The following SGCA variants were observed in gnomAD, a reference collection of about 807,000 sequenced individuals.
The protein encoded by SGCA is sarcoglycan alpha.
A neutral mutation model predicts 38.1 loss-of-function variants in SGCA; 34 were observed. That is an observed-to-expected ratio of 0.89 (90% CI 0.68 to 1.19). The LOEUF is 1.19. Ranked by LOEUF, SGCA falls within the 50% of genes most tolerant of loss-of-function variation. The pLI is 0.00. For missense variants in SGCA, 476 were observed against 524.9 expected (o/e 0.91, Z 0.91); for synonymous variants, 209 against 214.6 (o/e 0.97, Z 0.23).
At position 50,169,414 on chromosome 17, in the gene SGCA, T is replaced by TACAC. The variant is rs3138607; in HGVS notation, c.747+189_747+192dup. 0.27 allele frequency: 130,001 copies of TACAC among 478,182 alleles called. 8,091 individuals carry two copies. The highest frequency in any genetic ancestry group is 0.3 in the Middle Eastern group (551 of 1,822). The allele number at this position is 478,182 out of a possible 1,614,324, so 29.6% of individuals were successfully genotyped here. A position where few individuals can be genotyped will look rare whatever the true frequency, so the allele number is the denominator to read the frequency against. ...ATTGCCCACAGGCTTAGTCTGAGGA[T>TACAC]ACACACACACACACACACACACACA... On this transcript the variant is annotated intron_variant, in intron 6 of 9. Coordinates refer to ENST00000262018, the MANE Select transcript of SGCA (RefSeq NM_000023.4).
At chr17:50,172,472 C>A (rs901362624) in intron 8 of SGCA, 1 of 322,798 alleles carries the variant, frequency 3.1e-6, no homozygotes, top group Non-Finnish European at 6.2e-6. Context: ...CATGCCTGGG[C>A]GGATTTTATT....
At position 50,167,096 on chromosome 17, in the gene SGCA, C is replaced by T. The variant is rs987787486; in HGVS notation, c.38-272C>T. On this transcript the variant is annotated intron_variant, in intron 1 of 9. Transcript: ENST00000262018. The surrounding 1 kb of genome is among the most constrained non-coding windows in gnomAD (Gnocchi z 4.5). ...ACACTTCCCAGTCAAACATCAGTCC[C>T]TGCCCACTGCACCATTAATAGGGGC... is the stretch of plus-strand genomic sequence containing the variant. 3.9e-5 allele frequency among the ~76,000 whole-genome samples: 6 copies of T among 151,950 alleles called. No homozygotes were observed. The highest frequency in any genetic ancestry group is 5.9e-5 in the Non-Finnish European group (4 of 67,972).
chr17:50,166,713 T>TCA (rs1167571369), intron 1 of SGCA, among the ~76,000 whole-genome samples: 35 of 52,558 alleles, frequency 6.7e-4, no homozygotes, highest in African/African-American at 2.7e-3. Flanking sequence ...CACGGCACCC[T>TCA]CACACACACA....
chr17:50,175,424 TG>T lies in SGCA; in HGVS notation c.1153del (p.Asp385ThrfsTer32). On this transcript the variant is annotated frameshift_variant, in exon 9 of 10. Transcript: ENST00000262018. LOFTEE classifies it low-confidence loss of function (END_TRUNC). Reference protein sequence around the residue: ...RVDSAQVPLILDQH With the variant: ...RVDSAQVPLIXDQH ...GACAGCGCCCAGGTGCCCCTCATTC[TG>T]GACCAGCACTGACAGCCTAGCCAGG... 1 of 1,613,176 alleles carries T rather than the reference TG, an allele frequency of 6.2e-7. No homozygotes were observed.
chr17:50,166,264 T>C, intron 1 of SGCA, 187 bp downstream of exon 1: 1 of 631,670 alleles, frequency 1.6e-6, no homozygotes, highest in Non-Finnish European at 2.9e-6. Context: ...GGAGCTGGGC[T>C]CTGGGATGAA....
At chr17:50,169,311 C>G (rs755510141) in intron 6 of SGCA, 57 bp downstream of exon 6, 4 of 1,445,980 alleles carry the variant, frequency 2.8e-6, no homozygotes, top group Non-Finnish European at 3.8e-6. Context: ...ATCCCAGTCC[C>G]CCTTCCCTCC....
chr17:50,171,708 C>A, intron 8 of SGCA: 1 of 456,824 alleles, frequency 2.2e-6, no homozygotes, highest in Non-Finnish European at 4.4e-6. Flanking sequence ...CTGAGGCCCC[C>A]CTGCCGGTCA....
intron 8 of SGCA, 28 bp downstream of exon 8, chr17:50,170,694 T>G (rs1490656403): frequency 6.4e-7 from 1 of 1,552,242 alleles, no homozygotes; most frequent in Non-Finnish European, 8.7e-7. Context: ...GGGGGTGGGG[T>G]GGGAGCCCAC....
Position 50,166,932 on chromosome 17 carries a change from C to T in SGCA, c.38-436C>T, listed in dbSNP as rs1486105403. Among the ~76,000 whole-genome samples, 3 of 118,146 alleles carry T rather than the reference C, an allele frequency of 2.5e-5. No homozygotes were observed. In the Admixed American group the frequency reaches 2.6e-4, roughly 10 times the overall value. 77.5% of individuals were successfully genotyped at this position (118,146 alleles called of 152,430 possible). A position where few individuals can be genotyped will look rare whatever the true frequency, so the allele number is the denominator to read the frequency against. ...CACACCCCCCACACACACCTTCACACACACACACCCTCACACACACCCTCT... is the reference window on the plus strand; with the variant it reads ...CACACCCCCCACACACACCTTCACATACACACACCCTCACACACACCCTCT... On this transcript the variant is annotated intron_variant, in intron 1 of 9. Transcript: ENST00000262018.
At chr17:50,175,150 C>T in intron 8 of SGCA, 107 bp from the exon 9 acceptor site, 2 of 1,026,888 alleles carry the variant, frequency 1.9e-6, no homozygotes, top group Non-Finnish European at 2.9e-6. Context: ...TGAGTCTCTC[C>T]CCACATAAGT....
rs1221026504 is a variant in SGCA, at chr17:50,167,313, C to T, written c.38-55C>T. On this transcript the variant is annotated intron_variant, in intron 1 of 9. Coordinates refer to ENST00000262018, the MANE Select transcript of SGCA (RefSeq NM_000023.4). This position sits in a 1 kb window ranked among gnomAD's most constrained non-coding sequence, Gnocchi z 4.5. Reference sequence around the variant, plus strand: ...GACTTGGTGGGGAAGGGAGCTTATCCCCTGCCCAGGACTGAGGCTGGCCTG... The same window carrying T: ...GACTTGGTGGGGAAGGGAGCTTATCTCCTGCCCAGGACTGAGGCTGGCCTG... The T allele has an allele frequency of 6.2e-7, 1 of 1,612,328 alleles. No homozygotes were observed. Among genetic ancestry groups the T allele is most frequent in the African/African-American group, 1.3e-5 (1 of 74,920 alleles).
chr17:50,171,546 C>G (rs1272575329), intron 8 of SGCA: 3 of 456,712 alleles, frequency 6.6e-6, no homozygotes, highest in Non-Finnish European at 8.8e-6. Context: ...CCCTTCGAAC[C>G]CCCTTGATAA....
At position 50,170,642 on chromosome 17, in the gene SGCA, T is replaced by C; in HGVS notation, c.959T>C (p.Leu320Pro). The part of the protein sequence containing the change: ...YVMCCRREGR[L>P]KRDLATSDIQ... ...CCCTCTCCTTCACTTTTCCACAGGCTGAAGAGAGACCTGGCTACCTCCGAG... is the reference window on the plus strand; with the variant it reads ...CCCTCTCCTTCACTTTTCCACAGGCCGAAGAGAGACCTGGCTACCTCCGAG... Residue 320 changes from leucine to proline, a missense_variant and splice_region_variant, in exon 8 of 10, where the codon CTG becomes CCG. Coordinates refer to ENST00000262018, the MANE Select transcript of SGCA (RefSeq NM_000023.4). 1 of 1,561,164 alleles carries C rather than the reference T, an allele frequency of 6.4e-7. No individual in the cohort carries two copies. Among genetic ancestry groups the C allele is most frequent in the Non-Finnish European group, 8.7e-7 (1 of 1,151,358 alleles).
Position 50,166,009 on chromosome 17 carries a change from G to A in SGCA, c.-32G>A, listed in dbSNP as rs1326736114. The A allele has an allele frequency of 1.9e-6, 3 of 1,603,956 alleles. No individual in the cohort carries two copies. Among genetic ancestry groups the A allele is most frequent in the South Asian group, 2.2e-5 (2 of 90,820 alleles). ...CCTCTCCTCCCTGCCCCCTGTCTCTGTCACTCACCGGGCGGGCCAGGCCGG... is the reference window on the plus strand; with the variant it reads ...CCTCTCCTCCCTGCCCCCTGTCTCTATCACTCACCGGGCGGGCCAGGCCGG... On this transcript the variant is annotated 5_prime_UTR_variant, in exon 1 of 10. Transcript: ENST00000262018.
Position 50,170,166 on chromosome 17 carries a change from T to G in SGCA, c.771T>G (p.Pro257=), listed in dbSNP as rs1289068520. 1 of 1,614,052 alleles carries G rather than the reference T, an allele frequency of 6.2e-7. No homozygotes were observed. Among genetic ancestry groups the G allele is most frequent in the African/African-American group, 1.3e-5 (1 of 74,918 alleles). Residue 257 remains proline, a synonymous_variant, in exon 7 of 10, where the codon CCT becomes CCG. Transcript: ENST00000262018. Reference sequence around the variant, plus strand: ...AGGTGGATAAGTCAGTGCCGGAGCCTGCAGATGAGGTGCCCACCCCAGGTG... The same window carrying G: ...AGGTGGATAAGTCAGTGCCGGAGCCGGCAGATGAGGTGCCCACCCCAGGTG... ...VTLVDKSVPE[P]ADEVPTPGDG...
Position 50,175,366 on chromosome 17 carries a change from G to C in SGCA, c.1093G>C (p.Val365Leu), listed in dbSNP as rs1905851242. ...ACTCTCCACCCTGCCCATGTTCAAT[G>C]TGCACACAGGTGAGCGGCTGCCTCC... Reference protein sequence around the residue: ...RPLSTLPMFNVHTGERLPPRV... With the variant: ...RPLSTLPMFNLHTGERLPPRV... The change falls in exon 9 of 10, where the codon GTG becomes CTG. Residue 365 changes from valine to leucine, a missense_variant. Val to Leu is a conservative substitution (Grantham distance 32). Transcript: ENST00000262018. 11 of 1,612,936 alleles carry C rather than the reference G, an allele frequency of 6.8e-6. No individual in the cohort carries two copies. The highest frequency in any genetic ancestry group is 9.3e-6 in the Non-Finnish European group (11 of 1,179,976).
Position 50,166,783 on chromosome 17 carries a change from TCACACACCCTCACA to T in SGCA, c.38-565_38-552del, listed in dbSNP as rs1210298911. On this transcript the variant is annotated intron_variant, in intron 1 of 9. Transcript: ENST00000262018. ...CTCACACACACACCCTCACACACCC[TCACACACCCTCACA>T]CACACACCCTCACACACACCGTCAC... 4.0e-4 allele frequency among the ~76,000 whole-genome samples: 15 copies of T among 37,750 alleles called. No individual in the cohort carries two copies. In the East Asian group the frequency reaches 5.5e-3, roughly 14 times the overall value. The allele number at this position is 37,750 out of a possible 152,430, so 24.8% of individuals were successfully genotyped here.
At chr17:50,172,568 A>T in intron 8 of SGCA, 1 of 277,896 alleles carries the variant, frequency 3.6e-6, no homozygotes, top group Admixed American at 4.4e-5. Flanking sequence ...GCAACCTCAG[A>T]CTCCCTGGGC....
At position 50,168,226 on chromosome 17, in the gene SGCA, T is replaced by C. The variant is rs992383071; in HGVS notation, c.386-148T>C. The C allele has an allele frequency of 1.3e-5, 11 of 816,920 alleles. No individual in the cohort carries two copies. In the Middle Eastern group the frequency reaches 1.3e-3, roughly 99 times the overall value. 50.6% of individuals were successfully genotyped at this position (816,920 alleles called of 1,614,324 possible). ...GTTACTCGCTGCGTTGCAGAGACTA[T>C]TGGGACTTGGCTTGTTGGGGTCTGT... is the stretch of plus-strand genomic sequence containing the variant. On this transcript the variant is annotated intron_variant, in intron 4 of 9. Coordinates refer to ENST00000262018, the MANE Select transcript of SGCA (RefSeq NM_000023.4).
Sources: gnomAD v4.1 joint callset for allele counts (sites outside exome capture counted in the v4.1 genomes callset) on GRCh38, gnomAD v4.1.1 for gene constraint, Gnocchi (gnomAD v3.1) non-coding constraint, MANE v1.5 for transcripts, NCBI Gene and HGNC (gene_info 2026-07-23, HGNC 2026-07-21) for gene names.